The following GPR158 variants were observed in gnomAD, a reference collection of about 807,000 sequenced individuals.
GPR158 encodes the protein metabotropic glycine receptor.
In GPR158, 30 loss-of-function variants were observed where a neutral mutation model predicts 78.2. That is an observed-to-expected ratio of 0.38 (90% CI 0.29 to 0.52). The LOEUF is 0.52. GPR158 is among the 20% of genes least tolerant of loss of function. GPR158 has a pLI of 0.83. For synonymous variants in GPR158, 581 were observed against 591.1 expected (o/e 0.98, Z 0.25); for missense variants, 1,463 against 1,523.5 (o/e 0.96, Z 0.66).
chr10:25,376,217 G>A (rs907625374), intron 2 of GPR158, among the ~76,000 whole-genome samples: 2 of 151,420 alleles, frequency 1.3e-5, no homozygotes, highest in Non-Finnish European at 3.0e-5. Flanking sequence ...CTTGTTTATT[G>A]TTAGTGTTTA....
At chr10:25,509,771 C>A (rs1360227807) in intron 5 of GPR158, among the ~76,000 whole-genome samples, 1 of 152,162 alleles carries the variant, frequency 6.6e-6, no homozygotes, top group African/African-American at 2.4e-5. Flanking sequence ...GGCTGGAGTG[C>A]AGTGGTGCGA....
chr10:25,424,519 C>T (rs1212240861), intron 4 of GPR158, among the ~76,000 whole-genome samples: 3 of 151,090 alleles, frequency 2.0e-5, no homozygotes, highest in Non-Finnish European at 4.4e-5. Flanking sequence ...GGTTTTAGGT[C>T]TAACATTTAA....
intron 5 of GPR158, among the ~76,000 whole-genome samples, chr10:25,527,137 A>G (rs1418850155): frequency 6.6e-6 from 1 of 152,246 alleles, no homozygotes; most frequent in Non-Finnish European, 1.5e-5. Flanking sequence ...TTCAAAATGC[A>G]TAAAGGAAAA....
chr10:25,378,669 T>C (rs1227378900), intron 2 of GPR158, among the ~76,000 whole-genome samples: 1 of 152,170 alleles, frequency 6.6e-6, no homozygotes, highest in Non-Finnish European at 1.5e-5. Flanking sequence ...AGTTATTCTA[T>C]GGATTTCAGC....
intron 4 of GPR158, among the ~76,000 whole-genome samples, chr10:25,415,851 A>G: frequency 6.6e-6 from 1 of 152,114 alleles, no homozygotes; most frequent in East Asian, 1.9e-4. Flanking sequence ...CCAGGAAGGA[A>G]GAATGGGGAG....
intron 5 of GPR158, among the ~76,000 whole-genome samples, chr10:25,521,474 G>A (rs113129888): frequency 6.6e-5 from 10 of 151,988 alleles, no homozygotes; most frequent in Admixed American, 6.5e-4. Flanking sequence ...CTTCACCTTT[G>A]TCTGGTGCCT....
intron 5 of GPR158, among the ~76,000 whole-genome samples, chr10:25,511,017 G>A (rs1429252652): frequency 2.6e-5 from 4 of 152,182 alleles, no homozygotes; most frequent in Non-Finnish European, 5.9e-5. Context: ...GCATGTGCAA[G>A]TATCTTTCTC....
rs114297193 is a variant in GPR158, at chr10:25,535,063, A to G, written c.1405-15913A>G. 3.4e-3 allele frequency among the ~76,000 whole-genome samples: 524 copies of G among 152,312 alleles called. 3 individuals are homozygous for G. Among genetic ancestry groups the G allele is most frequent in the African/African-American group, 0.012 (507 of 41,572 alleles). On this transcript the variant is annotated intron_variant, in intron 5 of 10. Transcript: ENST00000376351. Reference sequence around the variant, plus strand: ...TTCACATTATTCTTTCTCTAAATGCATACTCTGGGGATCTCATAGCTTTGT... The same window carrying G: ...TTCACATTATTCTTTCTCTAAATGCGTACTCTGGGGATCTCATAGCTTTGT...
intron 4 of GPR158, among the ~76,000 whole-genome samples, chr10:25,465,157 A>G (rs1384604215): frequency 2.0e-5 from 3 of 152,310 alleles, no homozygotes; most frequent in East Asian, 3.9e-4. Context: ...GTGCTTTTAT[A>G]TAATGCAGTA....
At chr10:25,188,198 G>A (rs1422832201) in intron 1 of GPR158, among the ~76,000 whole-genome samples, 1 of 152,072 alleles carries the variant, frequency 6.6e-6, no homozygotes, top group Non-Finnish European at 1.5e-5. Flanking sequence ...CATGAAAATG[G>A]CCATACTGCC....
intron 2 of GPR158, among the ~76,000 whole-genome samples, chr10:25,376,371 A>G (rs1236684213): frequency 6.6e-6 from 1 of 151,598 alleles, no homozygotes; most frequent in Non-Finnish European, 1.5e-5. Flanking sequence ...TTTGTTTGAT[A>G]CAGTTAATGA....
intron 4 of GPR158, among the ~76,000 whole-genome samples, chr10:25,412,860 A>G (rs1367456621): frequency 1.3e-5 from 2 of 152,292 alleles, no homozygotes; most frequent in East Asian, 3.9e-4. Flanking sequence ...GTTGTGTTTA[A>G]ATATGGTAAA....
intron 2 of GPR158, among the ~76,000 whole-genome samples, chr10:25,224,095 C>T (rs909631985): frequency 6.6e-6 from 1 of 152,256 alleles, no homozygotes; most frequent in South Asian, 2.1e-4. Context: ...TAGGTCTTCA[C>T]AAGGTCTAGG....
chr10:25,192,680 G>A (rs1852788351), intron 1 of GPR158, among the ~76,000 whole-genome samples: 1 of 151,698 alleles, frequency 6.6e-6, no homozygotes, highest in East Asian at 1.9e-4. Flanking sequence ...AAGTTATAAT[G>A]TATTGTCTCC....
chr10:25,194,239 G>A (rs1220721792), intron 1 of GPR158, among the ~76,000 whole-genome samples: 1 of 152,184 alleles, frequency 6.6e-6, no homozygotes, highest in Non-Finnish European at 1.5e-5. Flanking sequence ...AGGCACAGGA[G>A]TAAGATTGGA....
At chr10:25,253,501 C>T (rs914992823) in intron 2 of GPR158, among the ~76,000 whole-genome samples, 2 of 152,150 alleles carry the variant, frequency 1.3e-5, no homozygotes, top group Non-Finnish European at 2.9e-5. Context: ...GAGAGTCCAC[C>T]TTTGACTTTG....
intron 5 of GPR158, among the ~76,000 whole-genome samples, chr10:25,546,266 T>C (rs918724657): frequency 6.6e-6 from 1 of 152,204 alleles, no homozygotes; most frequent in Non-Finnish European, 1.5e-5. Flanking sequence ...TTGTGCATAT[T>C]TGAGAAGCCT....
intron 2 of GPR158, among the ~76,000 whole-genome samples, chr10:25,385,101 C>A (rs906166292): frequency 6.6e-6 from 1 of 152,068 alleles, no homozygotes; most frequent in African/African-American, 2.4e-5. Context: ...AAACTCTACA[C>A]CCATTGAACA....
intron 4 of GPR158, among the ~76,000 whole-genome samples, chr10:25,441,866 C>A (rs746410728): frequency 1.3e-5 from 2 of 151,972 alleles, no homozygotes; most frequent in Non-Finnish European, 2.9e-5. Flanking sequence ...TTTTGGCTTT[C>A]CTTAGTCAGG....
Sources: gnomAD v4.1 joint callset for allele counts (sites outside exome capture counted in the v4.1 genomes callset) on GRCh38, gnomAD v4.1.1 for gene constraint, MANE v1.5 for transcripts, NCBI Gene and HGNC (gene_info 2026-07-23, HGNC 2026-07-21) for gene names.